GPHN: variants seen among roughly 807,000 people sequenced by gnomAD.
The protein encoded by GPHN is gephyrin.
A neutral mutation model predicts 95.5 loss-of-function variants in GPHN; 17 were observed. That is an observed-to-expected ratio of 0.18 (90% CI 0.12 to 0.27). GPHN has a LOEUF of 0.27. Among genes scored for constraint, GPHN ranks in the 10% least tolerant of loss-of-function variants. GPHN has a pLI of 1.00. For missense variants in GPHN, 660 were observed against 978.1 expected (o/e 0.67, Z 4.34); for synonymous variants, 320 against 322.5 (o/e 0.99, Z 0.08).
chr14:66,960,391 T>G (rs779058904), intron 8 of GPHN, among the ~76,000 whole-genome samples: 1 of 151,978 alleles, frequency 6.6e-6, no homozygotes, highest in South Asian at 2.1e-4. Context: ...CTCTGGAAAT[T>G]AGATTCTCCC....
chr14:67,573,862 G>T, the GPHN span: 4 of 1,613,424 alleles, frequency 2.5e-6, no homozygotes, highest in African/African-American at 4.0e-5. The surrounding 1 kb of genome is among the most constrained non-coding windows in gnomAD (Gnocchi z 4.8). Context: ...CAAATTGTTC[G>T]AGGGGAGGGT....
At chr14:67,573,742 G>C in the GPHN span, 1 of 1,077,768 alleles carries the variant, frequency 9.3e-7, no homozygotes, top group Non-Finnish European at 1.4e-6. The surrounding 1 kb of genome is among the most constrained non-coding windows in gnomAD (Gnocchi z 4.8). Flanking sequence ...GAGGGTAAAT[G>C]AGGTGCTCCG....
chr14:66,757,142 A>T (rs2058585810), intron 2 of GPHN, among the ~76,000 whole-genome samples: 1 of 152,148 alleles, frequency 6.6e-6, no homozygotes, highest in Non-Finnish European at 1.5e-5. Context: ...TGGGGAATCC[A>T]GGAAAACCAT....
At chr14:67,407,130 C>CT in the GPHN span, among the ~76,000 whole-genome samples, 3 of 151,260 alleles carry the variant, frequency 2.0e-5, no homozygotes, top group African/African-American at 2.4e-5. Flanking sequence ...ATTACTATTA[C>CT]TTTTTTTTTG....
At chr14:67,316,494 CT>C in the GPHN span, among the ~76,000 whole-genome samples, 1 of 152,226 alleles carries the variant, frequency 6.6e-6, no homozygotes, top group Non-Finnish European at 1.5e-5. Context: ...TGAGATAATT[CT>C]AAAGGACCTA....
In GPHN at chr14:66,869,696, A is replaced by G. The variant is rs566926360; in HGVS notation, c.295-10243A>G. Among the ~76,000 whole-genome samples, 10 of 152,274 alleles carry G rather than the reference A, an allele frequency of 6.6e-5. No homozygotes were observed. The South Asian group carries it at 2.1e-3, about 32-fold the overall frequency. ...AACTGATATGTGCAGAACTGCAAGG[A>G]TGTAAGAAGAATTGGAAAGTAGAAG... is the stretch of plus-strand genomic sequence containing the variant. On this transcript the variant is annotated intron_variant, in intron 4 of 22. Transcript: ENST00000478722.
At chr14:66,727,102 A>C (rs1201199574) in intron 2 of GPHN, among the ~76,000 whole-genome samples, 2 of 152,156 alleles carry the variant, frequency 1.3e-5, no homozygotes, top group East Asian at 3.9e-4. Context: ...AAAGTAGATA[A>C]GTCTCACAAG....
the GPHN span, among the ~76,000 whole-genome samples, chr14:67,623,770 G>A: frequency 6.6e-6 from 1 of 152,036 alleles, no homozygotes; most frequent in African/African-American, 2.4e-5. Flanking sequence ...TCGAACTCCT[G>A]ACCTCAGGTG....
chr14:67,515,653 A>C, the GPHN span, among the ~76,000 whole-genome samples: 1 of 152,138 alleles, frequency 6.6e-6, no homozygotes, highest in Non-Finnish European at 1.5e-5. Context: ...GCTGCGGTGC[A>C]GGGCTCTTCG....
chr14:66,683,666 T>A (rs1319328957), intron 2 of GPHN, among the ~76,000 whole-genome samples: 1 of 149,040 alleles, frequency 6.7e-6, no homozygotes, highest in African/African-American at 2.5e-5. Context: ...ATATCAGAAA[T>A]TTTTTTTGTG....
chr14:66,784,375 G>T (rs1426677505), intron 3 of GPHN, among the ~76,000 whole-genome samples: 1 of 152,094 alleles, frequency 6.6e-6, no homozygotes, highest in Non-Finnish European at 1.5e-5. Context: ...CTAAAAGAAT[G>T]TGTCACTAGA....
chr14:67,418,239 G>A, the GPHN span, among the ~76,000 whole-genome samples: 1 of 152,198 alleles, frequency 6.6e-6, no homozygotes, highest in Non-Finnish European at 1.5e-5. Flanking sequence ...ACATTACACA[G>A]CTAGCATATG....
chr14:66,916,515 T>C (rs1189219572), intron 6 of GPHN, among the ~76,000 whole-genome samples: 1 of 144,644 alleles, frequency 6.9e-6, no homozygotes, highest in African/African-American at 2.5e-5. Flanking sequence ...TTTTTTTTTG[T>C]TTTGTTTTGT....
At chr14:67,198,019 A>G in the GPHN span, 2 of 894,586 alleles carry the variant, frequency 2.2e-6, no homozygotes, top group East Asian at 5.3e-5. Context: ...TGCCTGGTGC[A>G]GTGCCAAGCA....
chr14:67,716,253 C>A, the GPHN span, among the ~76,000 whole-genome samples: 1 of 151,186 alleles, frequency 6.6e-6, no homozygotes, highest in Non-Finnish European at 1.5e-5. Flanking sequence ...TAAGTCAAAC[C>A]GCTGTGACTG....
At chr14:67,052,491 C>G (rs1270862310) in intron 10 of GPHN, among the ~76,000 whole-genome samples, 1 of 152,120 alleles carries the variant, frequency 6.6e-6, no homozygotes, top group Non-Finnish European at 1.5e-5. Flanking sequence ...GACTCCCACA[C>G]AATAATAGTG....
the GPHN span, among the ~76,000 whole-genome samples, chr14:67,434,148 CAG>C: frequency 6.6e-6 from 1 of 152,184 alleles, no homozygotes; most frequent in Non-Finnish European, 1.5e-5. Context: ...AGGAAATGAG[CAG>C]AGAGTTTACA....
At chr14:67,610,580 A>G in the GPHN span, among the ~76,000 whole-genome samples, 1 of 151,792 alleles carries the variant, frequency 6.6e-6, no homozygotes, top group East Asian at 1.9e-4. Context: ...TTCCTCAACT[A>G]CTCCTATAGA....
intron 8 of GPHN, among the ~76,000 whole-genome samples, chr14:66,934,081 G>A (rs1213674039): frequency 1.3e-5 from 2 of 148,810 alleles, no homozygotes; most frequent in Non-Finnish European, 3.0e-5. Context: ...TGAGGTTGCA[G>A]TGAGCTGTGA....
Sources: allele counts gnomAD v4.1 joint callset (sites outside exome capture counted in the v4.1 genomes callset), GRCh38; gene constraint gnomAD v4.1.1; non-coding constraint Gnocchi (gnomAD v3.1); transcripts MANE v1.5; gene names NCBI Gene and HGNC (gene_info 2026-07-23, HGNC 2026-07-21).